The following PLCE1 variants were observed in gnomAD, a reference collection of about 807,000 sequenced individuals.
PLCE1 encodes the protein phospholipase C epsilon 1.
Under a neutral mutation model 242.8 loss-of-function variants are expected in PLCE1, and 119 were observed. The ratio of observed to expected loss-of-function variants is 0.49; its 90% CI spans 0.42 to 0.57. PLCE1 has a LOEUF of 0.57. Ranked by LOEUF, PLCE1 falls within the 20% of genes least tolerant of loss-of-function variation. The pLI is 0.00. For missense variants in PLCE1, 2,441 were observed against 2,788.8 expected, an observed-to-expected ratio of 0.88 and a Z score of 2.81; for synonymous variants, 945 against 1,017.4, an observed-to-expected ratio of 0.93 and a Z score of 1.35.
At chr10:94,089,420 G>T (rs2044976568) in intron 2 of PLCE1, 3 of 1,469,610 alleles carry the variant, frequency 2.0e-6, no homozygotes, top group Non-Finnish European at 1.8e-6. Context: ...TGTTCTTAAT[G>T]CATGGAATCC....
chr10:94,207,514 CGTGTGTGTGTGTGTGTGT>C (rs56098317), intron 4 of PLCE1, among the ~76,000 whole-genome samples: 4 of 142,766 alleles, frequency 2.8e-5, no homozygotes, highest in African/African-American at 1.0e-4. Context: ...AATAGTTATA[CGTGTGTGTGTGTGTGTGT>C]GTGTGTGTGT....
Position 94,246,311 on chromosome 10 carries a change from G to A in PLCE1, c.2786G>A (p.Ser929Asn). 2 of 1,614,206 alleles carry A rather than the reference G, an allele frequency of 1.2e-6. No homozygotes were observed. Among genetic ancestry groups the A allele is most frequent in the Non-Finnish European group, 1.7e-6 (2 of 1,180,032 alleles). The change falls in exon 8 of 33, where the codon AGT becomes AAT. Residue 929 changes from serine (S) to asparagine (N), a missense_variant. By Grantham distance (46) the Ser-to-Asn change is conservative. Transcript: ENST00000371380. Reference protein sequence around the residue: ...KFPLLGNAGLSSLTEGVLDLF... With the variant: ...KFPLLGNAGLNSLTEGVLDLF... ...CCACTACTGGGTAATGCTGGATTAAGTAGCCTGACGGAAGGGGTCTTGGAT... is the reference window on the plus strand; with the variant it reads ...CCACTACTGGGTAATGCTGGATTAAATAGCCTGACGGAAGGGGTCTTGGAT...
chr10:94,230,348 G>A (rs573473140), intron 5 of PLCE1, among the ~76,000 whole-genome samples: 24 of 151,910 alleles, frequency 1.6e-4, no homozygotes, highest in Admixed American at 1.0e-3. Flanking sequence ...TTTTTTAAAC[G>A]GAGCCTCACC....
At chr10:94,214,014 G>A (rs2049432037) in intron 4 of PLCE1, among the ~76,000 whole-genome samples, 1 of 152,132 alleles carries the variant, frequency 6.6e-6, no homozygotes, top group Non-Finnish European at 1.5e-5. Context: ...TCTCAGGGTA[G>A]GTAGGAAACT....
At chr10:94,319,864 C>CTTTTTTTTTTTTTTTTTTTTTTTTTTT (rs58610099) in intron 29 of PLCE1, among the ~76,000 whole-genome samples, 4 of 92,938 alleles carry the variant, frequency 4.3e-5, no homozygotes, top group African/African-American at 7.5e-5. Flanking sequence ...CAAAGGTGCT[C>CTTTTTTTTTTTTTTTTTTTTTTTTTTT]TTTTTTTTTT....
chr10:94,285,286 A>T (rs1011552531), intron 22 of PLCE1, among the ~76,000 whole-genome samples: 2 of 152,154 alleles, frequency 1.3e-5, no homozygotes, highest in Non-Finnish European at 2.9e-5. Flanking sequence ...TTTTACGTAC[A>T]TCTCCTTTAC....
At chr10:94,301,783 C>A (rs985988439) in intron 24 of PLCE1, among the ~76,000 whole-genome samples, 1 of 152,192 alleles carries the variant, frequency 6.6e-6, no homozygotes, top group African/African-American at 2.4e-5. Flanking sequence ...CCTCTAAGTT[C>A]TTTGCATCTG....
chr10:94,153,308 TA>T (rs1327720294), intron 3 of PLCE1, among the ~76,000 whole-genome samples: 1 of 151,852 alleles, frequency 6.6e-6, no homozygotes, highest in African/African-American at 2.4e-5. Flanking sequence ...AATAGAACAA[TA>T]GACGAAAACC....
At chr10:94,179,530 T>TTTTTGTTTTTTTTTTTGA (rs10636243) in intron 4 of PLCE1, among the ~76,000 whole-genome samples, 3 of 118,826 alleles carry the variant, frequency 2.5e-5, no homozygotes, top group Admixed American at 9.0e-5. Flanking sequence ...TTTTTTTTTT[T>TTTTTGTTTTTTTTTTTGA]GACAGGGTCT....
chr10:94,007,430 G>A (rs866064700), intron 1 of PLCE1, among the ~76,000 whole-genome samples: 23 of 152,202 alleles, frequency 1.5e-4, no homozygotes, highest in Middle Eastern at 6.8e-3. Flanking sequence ...TGCCCAAGTG[G>A]GAACTAGTTC....
intron 22 of PLCE1, among the ~76,000 whole-genome samples, chr10:94,286,152 G>C (rs903472118): frequency 6.6e-6 from 1 of 152,216 alleles, no homozygotes; most frequent in Non-Finnish European, 1.5e-5. Context: ...GAACAGGAAA[G>C]TGGCTGAGAT....
chr10:94,057,448 A>G lies in PLCE1; in HGVS notation c.1206+25196A>G, dbSNP rs576846080. On this transcript the variant is annotated intron_variant, in intron 2 of 32. Coordinates refer to ENST00000371380, the MANE Select transcript of PLCE1 (RefSeq NM_016341.4). ...GTTTTCCTAATTTTGGACATTTTAC[A>G]TTATTATTATAAACAATGATACAAT... Among the ~76,000 whole-genome samples, 3 of 152,282 alleles carry G rather than the reference A, an allele frequency of 2.0e-5. No homozygotes were observed. In the East Asian group the frequency reaches 5.8e-4, roughly 29 times the overall value.
intron 2 of PLCE1, among the ~76,000 whole-genome samples, chr10:94,058,157 T>G (rs976819840): frequency 5.8e-4 from 89 of 152,234 alleles, no homozygotes; most frequent in Admixed American, 8.5e-4. Context: ...AAGAGACATT[T>G]TTTTAAATAG....
At chr10:94,250,131 CAA>C (rs34113881) in intron 8 of PLCE1, among the ~76,000 whole-genome samples, 34,240 of 95,202 alleles carry the variant, frequency 0.36, 3,836 homozygotes, top group Middle Eastern at 0.45. Context: ...GACTCTGTCT[CAA>C]AAAAAAAAAA....
rs565103090 is a variant in PLCE1 at position 94,256,141 on chromosome 10, A to G, written c.3554+1092A>G. ...CAGGAATTCGAGACCAGCCTGAGCA[A>G]CAGAAACCCCATCTCTACAAAAAGT... On this transcript the variant is annotated intron_variant, in intron 11 of 32. Coordinates refer to ENST00000371380, the MANE Select transcript of PLCE1 (RefSeq NM_016341.4). 1.8e-4 allele frequency among the ~76,000 whole-genome samples: 27 copies of G among 151,858 alleles called. No individual in the cohort carries two copies. The South Asian group carries it at 4.6e-3, about 26-fold the overall frequency.
At chr10:94,327,023 G>A (rs1345474844) in intron 32 of PLCE1, among the ~76,000 whole-genome samples, 3 of 152,026 alleles carry the variant, frequency 2.0e-5, no homozygotes, top group East Asian at 1.9e-4. Flanking sequence ...TTAGCTGGGC[G>A]TGGTGGTGTG....
chr10:94,200,624 T>A (rs2797998), intron 4 of PLCE1, among the ~76,000 whole-genome samples: 1 of 151,962 alleles, frequency 6.6e-6, no homozygotes, highest in Non-Finnish European at 1.5e-5. Flanking sequence ...ACTCCCTACT[T>A]GTTAAAGTAT....
intron 11 of PLCE1, among the ~76,000 whole-genome samples, chr10:94,256,924 A>G (rs928055849): frequency 6.6e-6 from 1 of 152,198 alleles, no homozygotes; most frequent in Non-Finnish European, 1.5e-5. Context: ...TCCTAGAATC[A>G]AAGGGAGATG....
chr10:94,153,794 ATACT>A (rs1195480441), intron 3 of PLCE1, among the ~76,000 whole-genome samples: 1 of 152,236 alleles, frequency 6.6e-6, no homozygotes, highest in Non-Finnish European at 1.5e-5. Flanking sequence ...AACGAAGCAA[ATACT>A]TAGGAATAAA....
Sources: gnomAD v4.1 joint callset for allele counts (sites outside exome capture counted in the v4.1 genomes callset) on GRCh38, gnomAD v4.1.1 for gene constraint, MANE v1.5 for transcripts, NCBI Gene and HGNC (gene_info 2026-07-23, HGNC 2026-07-21) for gene names.